The following DCAF5 variants were observed in gnomAD, a reference collection of about 807,000 sequenced individuals.
The protein encoded by DCAF5 is DDB1- and CUL4-associated factor 5.
DCAF5 carries 9 observed loss-of-function variants against 80.7 expected under a neutral mutation model. That is an observed-to-expected ratio of 0.11 (90% CI 0.07 to 0.19). The LOEUF (loss-of-function observed/expected upper bound fraction) is 0.19, where lower values mean the gene tolerates loss of function less well. Ranked by LOEUF, DCAF5 falls within the 10% of genes least tolerant of loss-of-function variation. The pLI is 1.00. For missense variants in DCAF5, 842 were observed against 1,205.7 expected (o/e 0.70, Z 4.47); for synonymous variants, 433 against 461.9 (o/e 0.94, Z 0.80).
intron 5 of DCAF5, among the ~76,000 whole-genome samples, chr14:69,098,893 CAAAAAAAAAAAA>C (rs57089112): frequency 1.0e-4 from 6 of 59,586 alleles, no homozygotes; most frequent in East Asian, 3.4e-4. Context: ...ACTCTGTCTC[CAAAAAAAAAAAA>C]AAAAAAAAAA....
chr14:69,065,583 G>A (rs2038407350), intron 7 of DCAF5, among the ~76,000 whole-genome samples: 1 of 152,214 alleles, frequency 6.6e-6, no homozygotes, highest in South Asian at 2.1e-4. Flanking sequence ...TACAATCATA[G>A]CAATAAATGG....
At chr14:69,071,840 A>C (rs1260424186) in intron 7 of DCAF5, among the ~76,000 whole-genome samples, 1 of 152,236 alleles carries the variant, frequency 6.6e-6, no homozygotes, top group Non-Finnish European at 1.5e-5. Context: ...ATTAATTGCC[A>C]ACATTTAAAA....
At chr14:69,135,987 T>C (rs529010069) in intron 1 of DCAF5, among the ~76,000 whole-genome samples, 2 of 152,358 alleles carry the variant, frequency 1.3e-5, no homozygotes, top group Admixed American at 1.3e-4. Flanking sequence ...CGATATGGTT[T>C]TATATTCTAC....
chr14:69,136,990 T>A (rs2041215030), intron 1 of DCAF5, among the ~76,000 whole-genome samples: 1 of 152,248 alleles, frequency 6.6e-6, no homozygotes, highest in African/African-American at 2.4e-5. Context: ...AAAGGCTACA[T>A]GTTCCAAATA....
chr14:69,120,952 A>C (rs922748288), intron 2 of DCAF5, among the ~76,000 whole-genome samples: 2 of 152,246 alleles, frequency 1.3e-5, no homozygotes. Flanking sequence ...ATGGAGAAGG[A>C]GACCTTTGAA....
chr14:69,104,629 G>A (rs2040070554), intron 5 of DCAF5, among the ~76,000 whole-genome samples: 1 of 152,100 alleles, frequency 6.6e-6, no homozygotes, highest in Non-Finnish European at 1.5e-5. Flanking sequence ...GCCGAGGTGG[G>A]TGGATCACTT....
intron 1 of DCAF5, among the ~76,000 whole-genome samples, chr14:69,142,729 A>AG (rs2041413479): frequency 1.3e-5 from 2 of 152,226 alleles, no homozygotes; most frequent in Non-Finnish European, 1.5e-5. Context: ...TCTGTGGCCC[A>AG]GACAGGTATT....
chr14:69,135,072 G>A (rs950033087), intron 1 of DCAF5, among the ~76,000 whole-genome samples: 1 of 152,180 alleles, frequency 6.6e-6, no homozygotes, highest in Non-Finnish European at 1.5e-5. Flanking sequence ...GAAAGGATAC[G>A]ATGTCATAAT....
In DCAF5 at chr14:69,051,924, A is replaced by ACTTG. The variant is rs980960336; in HGVS notation, c.*1929_*1932dup. 1 of 152,660 alleles carries ACTTG rather than the reference A, an allele frequency of 6.6e-6. No homozygotes were observed. The highest frequency in any genetic ancestry group is 6.5e-5 in the Admixed American group (1 of 15,286). 9.5% of individuals were successfully genotyped at this position (152,660 alleles called of 1,614,324 possible). A position where few individuals can be genotyped will look rare whatever the true frequency, so the allele number is the denominator to read the frequency against. On this transcript the variant is annotated 3_prime_UTR_variant, in exon 9 of 9. Coordinates refer to ENST00000341516, the MANE Select transcript of DCAF5 (RefSeq NM_003861.3). ...ATTTTGGAAAAGCAAATGTAAAATG[A>ACTTG]CTTGGGCTTATAAAACCAGCATTTA...
At chr14:69,128,690 C>A (rs899860183) in intron 1 of DCAF5, among the ~76,000 whole-genome samples, 6 of 152,116 alleles carry the variant, frequency 3.9e-5, no homozygotes, top group Admixed American at 2.6e-4. Flanking sequence ...ATCACTTGAA[C>A]CCTGGAGGCG....
intron 4 of DCAF5, among the ~76,000 whole-genome samples, chr14:69,116,999 C>T (rs539026421): frequency 2.0e-5 from 3 of 152,300 alleles, no homozygotes; most frequent in Middle Eastern, 3.4e-3. Flanking sequence ...TTCTGGTTCA[C>T]AATGCTCCCT....
intron 5 of DCAF5, among the ~76,000 whole-genome samples, chr14:69,102,178 G>A (rs1225760088): frequency 6.9e-6 from 1 of 145,428 alleles, no homozygotes; most frequent in African/African-American, 2.6e-5. Context: ...GTGTGATCTC[G>A]GTTCACTGCA....
In DCAF5 at chr14:69,053,819, G is replaced by T; in HGVS notation, c.*38C>A. 8 of 1,526,246 alleles carry T rather than the reference G, an allele frequency of 5.2e-6. No homozygotes were observed. The highest frequency in any genetic ancestry group is 1.4e-5 in the African/African-American group (1 of 70,992). 94.5% of individuals were successfully genotyped at this position (1,526,246 alleles called of 1,614,324 possible). A position where few individuals can be genotyped will look rare whatever the true frequency, so the allele number is the denominator to read the frequency against. On this transcript the variant is annotated 3_prime_UTR_variant, in exon 9 of 9. Coordinates refer to ENST00000341516, the MANE Select transcript of DCAF5 (RefSeq NM_003861.3). ...CTAAACAATTTTTTTTTTTTTGTAA[G>T]GCTACTTTTGTAGCTTTTTGTTTTC...
chr14:69,119,049 ATTGTAGGAATTT>A (rs2040624307), intron 3 of DCAF5, 133 bp downstream of exon 3: 1 of 711,432 alleles, frequency 1.4e-6, no homozygotes, highest in Admixed American at 3.4e-5. Context: ...ATTTCAAACT[ATTGTAGGAATTT>A]TTTTAGAAAA....
chr14:69,135,166 A>G (rs1296296560), intron 1 of DCAF5, among the ~76,000 whole-genome samples: 15 of 152,220 alleles, frequency 9.9e-5, no homozygotes, highest in Admixed American at 9.8e-4. Context: ...TCGCAATAAC[A>G]CTACAATGTT....
At chr14:69,104,494 A>G (rs1466732812) in intron 5 of DCAF5, among the ~76,000 whole-genome samples, 1 of 152,208 alleles carries the variant, frequency 6.6e-6, no homozygotes, top group African/African-American at 2.4e-5. Context: ...CAATCAGCAT[A>G]AGCTAGAATA....
rs1189850887 is a variant in DCAF5, at chr14:69,054,702, T to C, written c.1984A>G (p.Lys662Glu). ...GAGTAGCGGAGCCACTTGTAAGCTT[T>C]ATAAATTTTTCGCTCAACTGATTCT... ...DIESVERKIY[K>E]AYKWLRYSYI... Residue 662 changes from lysine to glutamate, a missense_variant, in exon 9 of 9, where the codon AAA (lysine) becomes GAA (glutamate). Lys to Glu is a moderately conservative substitution (Grantham distance 56). Coordinates refer to ENST00000341516, the MANE Select transcript of DCAF5 (RefSeq NM_003861.3). 1.2e-6 allele frequency: 2 copies of C among 1,614,138 alleles called. No homozygotes were observed. The highest frequency in any genetic ancestry group is 1.7e-6 in the Non-Finnish European group (2 of 1,180,058).
chr14:69,125,252 C>A (rs74353329), intron 1 of DCAF5, among the ~76,000 whole-genome samples: 1 of 152,280 alleles, frequency 6.6e-6, no homozygotes, highest in African/African-American at 2.4e-5. Context: ...AGTAGCATAA[C>A]TCATAAATGT....
At chr14:69,076,647 G>T (rs766800879) in intron 6 of DCAF5, among the ~76,000 whole-genome samples, 1 of 152,208 alleles carries the variant, frequency 6.6e-6, no homozygotes, top group African/African-American at 2.4e-5. Context: ...AAGAGTTAGC[G>T]TTTGTTGGGG....
Sources: gnomAD v4.1 joint callset for allele counts (sites outside exome capture counted in the v4.1 genomes callset) on GRCh38, gnomAD v4.1.1 for gene constraint, MANE v1.5 for transcripts, NCBI Gene and HGNC (gene_info 2026-07-23, HGNC 2026-07-21) for gene names.